TRPM3: variants seen among roughly 807,000 people sequenced by gnomAD.
TRPM3 encodes long transient receptor potential channel 3.
TRPM3 carries 77 observed loss-of-function variants against 181.2 expected under a neutral mutation model. The observed-to-expected ratio is 0.42, with a 90% CI of 0.35 to 0.51. The LOEUF (loss-of-function observed/expected upper bound fraction) is 0.51. Ranked by LOEUF, TRPM3 falls within the 20% of genes least tolerant of loss-of-function variation. TRPM3 has a pLI of 0.01. For synonymous variants in TRPM3, 745 were observed against 796.4 expected (o/e 0.94, Z 1.09); for missense variants, 1,759 against 2,196.7 (o/e 0.80, Z 3.98).
At chr9:71,146,133 A>T (rs1417434488) in intron 1 of TRPM3, among the ~76,000 whole-genome samples, 2 of 152,118 alleles carry the variant, frequency 1.3e-5, no homozygotes, top group Non-Finnish European at 2.9e-5. Flanking sequence ...ATGGGAGAAA[A>T]TTTTCCCAAA....
chr9:70,846,657 T>C, intron 3 of TRPM3, 66 bp from the exon 4 acceptor site: 1 of 1,335,960 alleles, frequency 7.5e-7, no homozygotes, highest in Non-Finnish European at 1.1e-6. Context: ...TTATCTTTAC[T>C]GATTGCAATT....
At chr9:71,391,810 A>G (rs1260173738) in intron 1 of TRPM3, among the ~76,000 whole-genome samples, 1 of 152,098 alleles carries the variant, frequency 6.6e-6, no homozygotes, top group Non-Finnish European at 1.5e-5. Flanking sequence ...TGGGCATGAA[A>G]TACTTCTAGT....
intron 11 of TRPM3, among the ~76,000 whole-genome samples, chr9:70,636,341 G>C (rs2057183157): frequency 6.6e-6 from 1 of 151,504 alleles, no homozygotes; most frequent in African/African-American, 2.4e-5. Context: ...GCAGCAGGCT[G>C]GATTTCGATG....
intron 9 of TRPM3, among the ~76,000 whole-genome samples, chr9:70,662,192 A>C (rs1240064063): frequency 6.6e-6 from 1 of 152,192 alleles, no homozygotes; most frequent in Non-Finnish European, 1.5e-5. Context: ...CTATTCAATA[A>C]ATGGTGCTGG....
chr9:71,156,021 T>C (rs953705557), intron 1 of TRPM3, among the ~76,000 whole-genome samples: 1 of 152,116 alleles, frequency 6.6e-6, no homozygotes, highest in African/African-American at 2.4e-5. Flanking sequence ...TGTATTTTTA[T>C]TATAATTGTT....
At chr9:71,399,521 C>G (rs888968121) in intron 1 of TRPM3, among the ~76,000 whole-genome samples, 1 of 107,520 alleles carries the variant, frequency 9.3e-6, no homozygotes, top group Non-Finnish European at 2.0e-5. Context: ...CTTATATTTT[C>G]TTTTGTTTTT....
At chr9:71,197,049 T>C (rs2078424678) in intron 1 of TRPM3, among the ~76,000 whole-genome samples, 1 of 152,008 alleles carries the variant, frequency 6.6e-6, no homozygotes, top group African/African-American at 2.4e-5. Context: ...GTCCCCAGAG[T>C]GTGATGTTCC....
chr9:71,025,602 A>G (rs2097888821), intron 1 of TRPM3, among the ~76,000 whole-genome samples: 1 of 152,258 alleles, frequency 6.6e-6, no homozygotes, highest in Admixed American at 6.5e-5. Flanking sequence ...TGTTGGTACA[A>G]TATACACAAT....
intron 1 of TRPM3, among the ~76,000 whole-genome samples, chr9:71,440,296 T>TG (rs2094118713): frequency 1.3e-5 from 2 of 152,166 alleles, no homozygotes. Flanking sequence ...AGGATTCCAA[T>TG]CTAGATCTGC....
At chr9:71,253,673 C>T (rs1015087088) in intron 1 of TRPM3, among the ~76,000 whole-genome samples, 1 of 152,038 alleles carries the variant, frequency 6.6e-6, no homozygotes. Context: ...AATAGAACTA[C>T]CATATGATCC....
intron 21 of TRPM3, among the ~76,000 whole-genome samples, chr9:70,593,388 A>G (rs963510312): frequency 6.6e-6 from 1 of 152,208 alleles, no homozygotes; most frequent in African/African-American, 2.4e-5. Flanking sequence ...AAAAAGTTCT[A>G]TCAATGAAAA....
chr9:71,398,341 G>A (rs968804998), intron 1 of TRPM3, among the ~76,000 whole-genome samples: 1 of 152,096 alleles, frequency 6.6e-6, no homozygotes, highest in African/African-American at 2.4e-5. Context: ...TTTCCCACAA[G>A]GTTGTTATAA....
chr9:71,308,214 C>A (rs975794951), intron 1 of TRPM3, among the ~76,000 whole-genome samples: 5 of 151,860 alleles, frequency 3.3e-5, no homozygotes, highest in Non-Finnish European at 5.9e-5. Flanking sequence ...CATCCCTGCC[C>A]TCCAAATCAA....
intron 6 of TRPM3, among the ~76,000 whole-genome samples, chr9:70,792,446 G>A (rs2085692473): frequency 1.3e-5 from 2 of 151,834 alleles, no homozygotes; most frequent in South Asian, 2.1e-4. Flanking sequence ...TGGTATGGGG[G>A]AGGAAGGAGA....
At chr9:71,363,144 G>T (rs1250868704) in intron 1 of TRPM3, among the ~76,000 whole-genome samples, 1 of 152,210 alleles carries the variant, frequency 6.6e-6, no homozygotes, top group African/African-American at 2.4e-5. Flanking sequence ...AGTGGGCTCT[G>T]TTGGAACCCA....
intron 1 of TRPM3, among the ~76,000 whole-genome samples, chr9:71,299,672 T>C (rs1351006586): frequency 6.6e-6 from 1 of 152,100 alleles, no homozygotes; most frequent in East Asian, 1.9e-4. Flanking sequence ...TCAGTTCTCA[T>C]AAAAATCAAA....
At chr9:70,694,302 T>G (rs1330154802) in intron 8 of TRPM3, among the ~76,000 whole-genome samples, 1 of 152,132 alleles carries the variant, frequency 6.6e-6, no homozygotes, top group Non-Finnish European at 1.5e-5. Context: ...AAAAATAAGT[T>G]TGACTAGCTG....
intron 1 of TRPM3, among the ~76,000 whole-genome samples, chr9:71,343,980 C>A (rs932979975): frequency 1.3e-5 from 2 of 150,978 alleles, no homozygotes; most frequent in African/African-American, 4.9e-5. Context: ...ACAATTATAA[C>A]CTATTGCATA....
intron 12 of TRPM3, among the ~76,000 whole-genome samples, chr9:70,631,756 T>C (rs2133402284): frequency 6.6e-6 from 1 of 152,322 alleles, no homozygotes; most frequent in East Asian, 1.9e-4. Context: ...TTTTACCTCA[T>C]TGCTCCTAGA....
Sources: gnomAD v4.1 joint callset for allele counts (sites outside exome capture counted in the v4.1 genomes callset) on GRCh38, gnomAD v4.1.1 for gene constraint, MANE v1.5 for transcripts, NCBI Gene and HGNC (gene_info 2026-07-23, HGNC 2026-07-21) for gene names.